Variants in THAP3 observed in about 807,000 individuals in gnomAD.
The protein encoded by THAP3 is THAP domain containing 3.
A neutral mutation model predicts 17.7 loss-of-function variants in THAP3; 12 were observed. That is an observed-to-expected ratio of 0.68 (90% CI 0.43 to 1.10). The LOEUF is 1.10. THAP3 is among the 50% of genes least tolerant of loss of function. THAP3 has a pLI of 0.00. For missense variants in THAP3, 289 were observed against 318.0 expected, an observed-to-expected ratio of 0.91 and a Z score of 0.69; for synonymous variants, 133 against 126.9, an observed-to-expected ratio of 1.05 and a Z score of -0.32.
chr1:6,625,080 C>T, intron 1 of THAP3, 70 bp from the exon 2 acceptor site: 4 of 955,700 alleles, frequency 4.2e-6, no homozygotes, highest in Non-Finnish European at 6.0e-6. Context: ...GCTGGGATGG[C>T]AGGATGAGCG....
intron 2 of THAP3, among the ~76,000 whole-genome samples, chr1:6,626,847 A>AAAAAC (rs1413269346): frequency 3.3e-5 from 5 of 152,246 alleles, no homozygotes; most frequent in Non-Finnish European, 7.3e-5. Flanking sequence ...CTCCGTCTCA[A>AAAAAC]AAAACAAAAC....
Position 6,632,471 on chromosome 1 carries a change from A to T in THAP3, c.414A>T (p.Pro138=). The T allele has an allele frequency of 1.9e-6, 3 of 1,614,184 alleles. No individual in the cohort carries two copies. Among genetic ancestry groups the T allele is most frequent in the Non-Finnish European group, 2.5e-6 (3 of 1,180,032 alleles). ...CACTTGAAGAGCTTCAGTTGCCCCC[A>T]AATGCCGAAGGCCACGTAAAACAGG... ...DTALEELQLP[P]NAEGHVKQVS... The change falls in exon 5 of 6, where the codon CCA becomes CCT. Residue 138 remains proline (P), a synonymous_variant. Coordinates refer to ENST00000054650, the MANE Select transcript of THAP3 (RefSeq NM_001195753.2).
At chr1:6,634,969 C>T, downstream of THAP3, 1 of 924,400 alleles carries the variant, frequency 1.1e-6, no homozygotes, top group African/African-American at 1.7e-5. Context: ...GGGCGTTTTC[C>T]CACCGGGATA....
chr1:6,625,410 C>A, intron 2 of THAP3, 118 bp downstream of exon 2: 1 of 948,212 alleles, frequency 1.1e-6, no homozygotes, highest in Non-Finnish European at 1.4e-6. Flanking sequence ...GGCCCGGGGA[C>A]AGGCCGAGGT....
chr1:6,635,397 T>G, downstream of THAP3: 1 of 406,878 alleles, frequency 2.5e-6, no homozygotes, highest in Non-Finnish European at 4.5e-6. Flanking sequence ...CACAGCGGAG[T>G]CAGGGCCAGA....
At chr1:6,634,728 G>A (rs1187305281), downstream of THAP3, 2 of 1,360,056 alleles carry the variant, frequency 1.5e-6, no homozygotes, top group South Asian at 2.3e-5. Context: ...CGGAGCACAG[G>A]CCCTGGTGTT....
chr1:6,631,525 T>G (rs1314920229), intron 4 of THAP3, among the ~76,000 whole-genome samples: 2 of 151,996 alleles, frequency 1.3e-5, no homozygotes, highest in Admixed American at 6.6e-5. Flanking sequence ...TCCCAGCACT[T>G]TGGGAGGCCG....
chr1:6,628,482 C>T lies in THAP3; in HGVS notation c.75-17C>T, dbSNP rs372053743. On this transcript the variant is annotated splice_polypyrimidine_tract_variant and intron_variant, in intron 2 of 5. Coordinates refer to ENST00000054650, the MANE Select transcript of THAP3 (RefSeq NM_001195753.2). ...TCCAGCCTTGCTGGGCCTCACACCC[C>T]GTGCCTCTGCCCTTAGGTTTCCGTT... 7.5e-5 allele frequency: 120 copies of T among 1,596,790 alleles called. No individual in the cohort carries two copies. The highest frequency in any genetic ancestry group is 2.1e-4 in the Admixed American group (12 of 58,016).
intron 3 of THAP3, 74 bp from the exon 4 acceptor site, chr1:6,630,214 C>A: frequency 1.5e-6 from 2 of 1,330,358 alleles, no homozygotes; most frequent in South Asian, 1.2e-5. Flanking sequence ...CGGGGACAAG[C>A]ATGATGCCCG....
At chr1:6,627,175 G>T (rs1377406567) in intron 2 of THAP3, among the ~76,000 whole-genome samples, 1 of 152,106 alleles carries the variant, frequency 6.6e-6, no homozygotes, top group Admixed American at 6.5e-5. Context: ...AAGTGTTGGA[G>T]CCCTGGGGTG....
intron 5 of THAP3, 88 bp downstream of exon 5, chr1:6,632,583 A>C (rs1641648945): frequency 1.3e-6 from 2 of 1,573,844 alleles, no homozygotes. Context: ...CCACCATGAG[A>C]CCTGTGTGGC....
chr1:6,632,763 T>G (rs1331457615), intron 5 of THAP3, 33 bp from the exon 6 acceptor site: 1 of 1,610,292 alleles, frequency 6.2e-7, no homozygotes, highest in Admixed American at 1.7e-5. Context: ...CTGCTGGTGA[T>G]GCAGCTCTAG....
At chr1:6,626,667 G>A (rs1159734479) in intron 2 of THAP3, among the ~76,000 whole-genome samples, 3 of 152,130 alleles carry the variant, frequency 2.0e-5, no homozygotes, top group African/African-American at 7.2e-5. Context: ...GTGAAACCCC[G>A]TCTCTACTTC....
In THAP3 at chr1:6,633,043, T is replaced by A. The variant is rs111498328; in HGVS notation, c.686T>A (p.Leu229His). The A allele has an allele frequency of 6.3e-5, 102 of 1,608,234 alleles. No individual in the cohort carries two copies. The African/African-American group carries it at 1.1e-3, about 17-fold the overall frequency. ...CGTGCTTGCAAAGGGCACCAGGGAC[T>A]CCAGGCCAGACTTGGGCCAGAGCAG... Reference protein sequence around the residue: ...RLRACKGHQGLQARLGPEQQS With the variant: ...RLRACKGHQGHQARLGPEQQS The change falls in exon 6 of 6, where the codon CTC (leucine) becomes CAC (histidine). Residue 229 changes from leucine to histidine, a missense_variant. By Grantham distance (99) the Leu-to-His change is moderately conservative. Transcript: ENST00000054650.
intron 2 of THAP3, among the ~76,000 whole-genome samples, chr1:6,626,444 G>A (rs1393070611): frequency 1.3e-5 from 2 of 151,942 alleles, no homozygotes; most frequent in Non-Finnish European, 2.9e-5. Flanking sequence ...ATTCGCTTTC[G>A]TTGCCACATA....
At chr1:6,632,171 G>T (rs909853157) in intron 4 of THAP3, among the ~76,000 whole-genome samples, 2 of 151,434 alleles carry the variant, frequency 1.3e-5, no homozygotes, top group African/African-American at 4.9e-5. Context: ...AGCCGAGATT[G>T]CACCACTGCA....
chr1:6,632,825 G>A lies in THAP3; in HGVS notation c.468G>A (p.Glu156=). 6.2e-7 allele frequency: 1 copy of A among 1,612,958 alleles called. No individual in the cohort carries two copies. The highest frequency in any genetic ancestry group is 8.5e-7 in the Non-Finnish European group (1 of 1,179,906). Residue 156 remains glutamate, a synonymous_variant, in exon 6 of 6, where the codon GAG becomes GAA. Transcript: ENST00000054650. ...CGCCACGGAGGCCGCAAGCAACAGA[G>A]GCTGTTGGCCGGCCGACTGGCCCTG... ...QVSPRRPQAT[E]AVGRPTGPAG...
rs1377923726 is a variant in THAP3, at chr1:6,625,228, T to A, written c.10T>A (p.Ser4Thr). ...CCAGGCCTGGCTCGAGATGCCGAAG[T>A]CGTGCGCGGCCCGGCAGTGCTGCAA... MPKSCAARQCCNRY... is the reference protein window; with the variant it reads MPKTCAARQCCNRY... The change falls in exon 2 of 6, where the codon TCG becomes ACG. Residue 4 changes from serine (S) to threonine (T), a missense_variant. By Grantham distance (58) the Ser-to-Thr change is moderately conservative. Transcript: ENST00000054650. The A allele has an allele frequency of 6.5e-7, 1 of 1,543,198 alleles. No homozygotes were observed. Among genetic ancestry groups the A allele is most frequent in the Admixed American group, 2.0e-5 (1 of 50,924 alleles).
chr1:6,627,851 G>C (rs1202665149), intron 2 of THAP3: 1 of 152,362 alleles, frequency 6.6e-6, no homozygotes, highest in African/African-American at 2.4e-5. Flanking sequence ...CAGCAGCCAG[G>C]GTGGACCCAG....
Sources: allele counts gnomAD v4.1 joint callset (sites outside exome capture counted in the v4.1 genomes callset), GRCh38; gene constraint gnomAD v4.1.1; transcripts MANE v1.5; gene names NCBI Gene and HGNC (gene_info 2026-07-23, HGNC 2026-07-21).